CTNND2: variants seen among roughly 807,000 people sequenced by gnomAD.
CTNND2 encodes catenin delta-2.
CTNND2 carries 22 observed loss-of-function variants against 144.4 expected under a neutral mutation model. The observed-to-expected ratio is 0.15, with a 90% confidence interval of 0.11 to 0.22. CTNND2 has a LOEUF of 0.22. Ranked by LOEUF, CTNND2 falls within the 10% of genes least tolerant of loss-of-function variation. The pLI is 1.00. For synonymous variants in CTNND2, 751 were observed against 695.6 expected (o/e 1.08, Z -1.25); for missense variants, 1,353 against 1,618.8 (o/e 0.84, Z 2.82).
chr5:11,774,539 T>A (rs1581862197), intron 1 of CTNND2, among the ~76,000 whole-genome samples: 1 of 109,270 alleles, frequency 9.2e-6, no homozygotes. Flanking sequence ...ACCCTAAAAC[T>A]TAAAGTATAA....
chr5:11,294,030 C>T (rs570722495), intron 9 of CTNND2, among the ~76,000 whole-genome samples: 38 of 151,460 alleles, frequency 2.5e-4, no homozygotes, highest in African/African-American at 4.3e-4. Flanking sequence ...GGACATTTTG[C>T]GTAATTATAG....
intron 7 of CTNND2, among the ~76,000 whole-genome samples, chr5:11,374,775 CTTTTTTTTT>C (rs56327510): frequency 0.014 from 1,383 of 99,424 alleles, 17 homozygotes; most frequent in African/African-American, 0.045. Flanking sequence ...TCCCAATCTA[CTTTTTTTTT>C]TTTTTTTTTT....
chr5:11,139,522 T>A (rs779408202), intron 12 of CTNND2, among the ~76,000 whole-genome samples: 4 of 152,202 alleles, frequency 2.6e-5, no homozygotes, highest in Non-Finnish European at 4.4e-5. Context: ...GAATCTTGGA[T>A]GATAGAAGAG....
At chr5:11,658,760 C>T (rs184537909) in intron 2 of CTNND2, among the ~76,000 whole-genome samples, 10 of 152,190 alleles carry the variant, frequency 6.6e-5, no homozygotes, top group East Asian at 5.8e-4. Flanking sequence ...ATTTACACTG[C>T]GCTATATGAA....
chr5:11,281,270 T>C (rs2149996741), intron 9 of CTNND2, among the ~76,000 whole-genome samples: 1 of 152,318 alleles, frequency 6.6e-6, no homozygotes, highest in South Asian at 2.1e-4. Flanking sequence ...GTTTACATTA[T>C]TGACTAAAAT....
chr5:11,181,670 T>C (rs1734976061), intron 11 of CTNND2, among the ~76,000 whole-genome samples: 2 of 150,472 alleles, frequency 1.3e-5, no homozygotes, highest in Non-Finnish European at 1.5e-5. Context: ...TGTGTGTGTG[T>C]CTGTGTGTGT....
chr5:11,193,266 A>C (rs1580546988), intron 11 of CTNND2, among the ~76,000 whole-genome samples: 1 of 152,300 alleles, frequency 6.6e-6, no homozygotes, highest in East Asian at 1.9e-4. Flanking sequence ...TGATTCTTTG[A>C]CTTTAATTCC....
chr5:11,233,714 G>GTC lies in CTNND2; in HGVS notation c.1761+2975_1761+2976dup, dbSNP rs1201691486. 1.1e-4 allele frequency among the ~76,000 whole-genome samples: 11 copies of GTC among 102,978 alleles called. No homozygotes were observed. The East Asian group carries it at 2.1e-3, about 20-fold the overall frequency. The allele number at this position is 102,978 out of a possible 152,430, so 67.6% of individuals were successfully genotyped here. ...GTAGAATCCTTATTAGAGTTTACGT[G>GTC]TCTGTGTGTGTGTGTGTGTGTGTGT... On this transcript the variant is annotated intron_variant, in intron 10 of 21. Transcript: ENST00000304623.
intron 2 of CTNND2, among the ~76,000 whole-genome samples, chr5:11,716,288 C>T (rs372347346): frequency 1.3e-5 from 2 of 152,088 alleles, no homozygotes; most frequent in Non-Finnish European, 2.9e-5. Flanking sequence ...TTTAGTTATA[C>T]ACTTAATTAA....
chr5:11,516,477 A>G (rs1285351445), intron 3 of CTNND2, among the ~76,000 whole-genome samples: 1 of 152,188 alleles, frequency 6.6e-6, no homozygotes, highest in Admixed American at 6.5e-5. Flanking sequence ...TTGAACTGAT[A>G]ATCAACTTCA....
intron 6 of CTNND2, among the ~76,000 whole-genome samples, chr5:11,387,360 A>G (rs1759197621): frequency 6.6e-6 from 1 of 152,132 alleles, no homozygotes; most frequent in Non-Finnish European, 1.5e-5. Context: ...CTGGGTGATT[A>G]TGGTGCTGGT....
intron 12 of CTNND2, among the ~76,000 whole-genome samples, chr5:11,158,957 G>A (rs1009685839): frequency 6.6e-6 from 1 of 152,092 alleles, no homozygotes; most frequent in African/African-American, 2.4e-5. Flanking sequence ...AATTAAACAA[G>A]ACATAAAGTT....
At chr5:11,477,103 T>A (rs1172010662) in intron 3 of CTNND2, among the ~76,000 whole-genome samples, 1 of 152,246 alleles carries the variant, frequency 6.6e-6, no homozygotes, top group African/African-American at 2.4e-5. Flanking sequence ...GATTGTCTAT[T>A]TTGTGGATTC....
intron 2 of CTNND2, among the ~76,000 whole-genome samples, chr5:11,707,084 T>TAAA (rs1785749415): frequency 7.5e-6 from 1 of 133,276 alleles, no homozygotes; most frequent in African/African-American, 2.9e-5. Flanking sequence ...ATACTCCATC[T>TAAA]CAAAAAAAAA....
At chr5:11,387,109 CTGAAG>C (rs2096990116) in intron 6 of CTNND2, among the ~76,000 whole-genome samples, 2 of 135,634 alleles carry the variant, frequency 1.5e-5, no homozygotes, top group South Asian at 5.3e-4. Flanking sequence ...TTCAGCATCC[CTGAAG>C]GTGAGACCAT....
intron 2 of CTNND2, among the ~76,000 whole-genome samples, chr5:11,716,366 TTA>T (rs1377531460): frequency 6.6e-6 from 1 of 152,222 alleles, no homozygotes; most frequent in Non-Finnish European, 1.5e-5. Flanking sequence ...ATTCATTTAT[TTA>T]TGTGTATGTT....
chr5:11,108,100 G>T (rs1752599880), intron 14 of CTNND2, among the ~76,000 whole-genome samples: 1 of 152,192 alleles, frequency 6.6e-6, no homozygotes, highest in Admixed American at 6.5e-5. Context: ...AAGTAGATTA[G>T]GGAGTAATTG....
intron 16 of CTNND2, among the ~76,000 whole-genome samples, chr5:11,033,833 C>T (rs960425992): frequency 7.2e-6 from 1 of 138,866 alleles, no homozygotes; most frequent in African/African-American, 2.5e-5. Context: ...GTCTCAACAA[C>T]AACAGCAACA....
At chr5:11,860,023 C>T (rs1795429524) in intron 1 of CTNND2, among the ~76,000 whole-genome samples, 1 of 152,152 alleles carries the variant, frequency 6.6e-6, no homozygotes, top group Admixed American at 6.5e-5. Context: ...TGTTACTGTA[C>T]TTTTTACAAC....
Sources: gnomAD v4.1 joint callset for allele counts (sites outside exome capture counted in the v4.1 genomes callset) on GRCh38, gnomAD v4.1.1 for gene constraint, MANE v1.5 for transcripts, NCBI Gene and HGNC (gene_info 2026-07-23, HGNC 2026-07-21) for gene names.